PHF20: variants seen among roughly 807,000 people sequenced by gnomAD.
The protein encoded by PHF20 is PHD finger protein 20, also known as glioma-expressed antigen 2.
A neutral mutation model predicts 113.5 loss-of-function variants in PHF20; 23 were observed. The observed-to-expected ratio is 0.20, with a 90% CI of 0.15 to 0.29. PHF20 has a LOEUF of 0.29. Ranked by LOEUF, PHF20 falls within the 10% of genes least tolerant of loss-of-function variation. The probability of loss-of-function intolerance (pLI) is 1.00; values close to 1 mark genes in which losing one functional copy is unlikely to be tolerated. For synonymous variants in PHF20, 434 were observed against 457.3 expected (o/e 0.95, Z 0.65); for missense variants, 943 against 1,219.6 (o/e 0.77, Z 3.38).
chr20:35,805,536 C>T (rs59294666), intron 2 of PHF20, among the ~76,000 whole-genome samples: 6,669 of 151,788 alleles, frequency 0.044, 173 homozygotes, highest in African/African-American at 0.072. Context: ...TTAGTAGAGA[C>T]GGGGTTTCAC....
intron 2 of PHF20, among the ~76,000 whole-genome samples, chr20:35,829,990 T>C (rs1357371010): frequency 1.3e-5 from 2 of 152,070 alleles, no homozygotes; most frequent in Admixed American, 1.3e-4. Flanking sequence ...CTCAGCTCAC[T>C]GCAACGTCTG....
chr20:35,919,461 C>T (rs1213622407), intron 13 of PHF20, among the ~76,000 whole-genome samples: 2 of 151,542 alleles, frequency 1.3e-5, no homozygotes, highest in East Asian at 3.9e-4. Flanking sequence ...TGCCTCAGCC[C>T]CCTGAGTAGC....
chr20:35,825,698 C>T lies in PHF20; in HGVS notation c.84-16875C>T, dbSNP rs547229314. ...TTGCTTTGTTGCCCAGGCTGGAGTA[C>T]AATGGCTATTTACGAGTGCCATGAA... On this transcript the variant is annotated intron_variant, in intron 2 of 17. Transcript: ENST00000374012. Among the ~76,000 whole-genome samples the T allele has an allele frequency of 5.0e-4, 76 of 151,556 alleles. 1 individual carries two copies. In the East Asian group the frequency reaches 0.014, roughly 27 times the overall value.
intron 1 of PHF20, among the ~76,000 whole-genome samples, chr20:35,783,901 C>A (rs1282684193): frequency 6.7e-6 from 1 of 148,394 alleles, no homozygotes; most frequent in South Asian, 2.4e-4. Context: ...AGGAGAATCG[C>A]TTGAACCCAG....
intron 1 of PHF20, among the ~76,000 whole-genome samples, chr20:35,783,709 T>C (rs550355427): frequency 6.6e-6 from 1 of 151,852 alleles, no homozygotes; most frequent in Non-Finnish European, 1.5e-5. Context: ...TGGCCGGGCA[T>C]GGTGCCTCAC....
At chr20:35,915,384 T>C (rs746240728) in intron 12 of PHF20, among the ~76,000 whole-genome samples, 3 of 151,588 alleles carry the variant, frequency 2.0e-5, no homozygotes, top group Non-Finnish European at 2.9e-5. Context: ...TTTTGTTTTG[T>C]TTTGCTTTGT....
intron 4 of PHF20, among the ~76,000 whole-genome samples, chr20:35,849,640 G>A (rs916531193): frequency 6.6e-6 from 1 of 152,322 alleles, no homozygotes; most frequent in Middle Eastern, 3.4e-3. Context: ...GGGATTGGGA[G>A]CGACAATGCT....
Position 35,914,194 on chromosome 20 carries a change from T to G in PHF20, c.1822T>G (p.Leu608Val), listed in dbSNP as rs537943692. 6.2e-7 allele frequency: 1 copy of G among 1,614,024 alleles called. No homozygotes were observed. Among genetic ancestry groups the G allele is most frequent in the East Asian group, 2.2e-5 (1 of 44,872 alleles). The stretch of plus-strand genomic sequence containing the variant: ...ACACCACAAAGGGAAAGTGAAAGCA[T>G]TGGGTAAGGAGGCTCTTCTGTCCTG... The part of the protein sequence containing the change: ...SGHHKGKVKA[L>V]EEDNLSESSS... Residue 608 changes from leucine (L) to valine (V), a missense_variant, in exon 12 of 18, where the codon TTG (leucine) becomes GTG (valine). By Grantham distance (32) the Leu-to-Val change is conservative. Transcript: ENST00000374012.
At chr20:35,921,403 A>G (rs1168336890) in intron 13 of PHF20, among the ~76,000 whole-genome samples, 1 of 151,854 alleles carries the variant, frequency 6.6e-6, no homozygotes, top group East Asian at 1.9e-4. Flanking sequence ...CTACTATTAG[A>G]TAATTGTTGG....
In PHF20 at chr20:35,904,376, C is replaced by T. The variant is rs185449457; in HGVS notation, c.1561+4728C>T. 2.9e-3 allele frequency among the ~76,000 whole-genome samples: 422 copies of T among 144,538 alleles called. 2 individuals are homozygous for T. The highest frequency in any genetic ancestry group is 5.1e-3 in the Non-Finnish European group (344 of 67,192). 94.8% of individuals were successfully genotyped at this position (144,538 alleles called of 152,430 possible). A position where few individuals can be genotyped will look rare whatever the true frequency, so the allele number is the denominator to read the frequency against. On this transcript the variant is annotated intron_variant, in intron 10 of 17. Transcript: ENST00000374012. ...CTTGGCTCACTGCAACCTCTGCCTT[C>T]GGGGTTCAAGCAATTCTCCTGCCTC...
Position 35,842,654 on chromosome 20 carries a change from TG to T in PHF20, c.166del (p.Glu56SerfsTer13), listed in dbSNP as rs1456636628. Reference protein sequence around the residue: ...HFKRWNHRYDEWFCWDSPYLR... With the variant: ...HFKRWNHRYDXWFCWDSPYLR... ...TCAAGCGTTGGAACCATCGTTATGA[TG>T]AGTGGTTCTGCTGGGACAGTCCTTA... On this transcript the variant is annotated frameshift_variant, in exon 3 of 18. Transcript: ENST00000374012. LOFTEE classifies it high-confidence loss of function. 1 of 1,613,824 alleles carries T rather than the reference TG, an allele frequency of 6.2e-7. No individual in the cohort carries two copies. Among genetic ancestry groups the T allele is most frequent in the Non-Finnish European group, 8.5e-7 (1 of 1,179,816 alleles).
At chr20:35,934,352 C>G (rs967829410) in intron 15 of PHF20, among the ~76,000 whole-genome samples, 7 of 152,212 alleles carry the variant, frequency 4.6e-5, no homozygotes, top group Admixed American at 1.3e-4. Context: ...GAGGCTCAAA[C>G]AAAACAGAAG....
At position 35,947,826 on chromosome 20, in the gene PHF20, A is replaced by T. The variant is rs755634654; in HGVS notation, c.*199A>T. ...GGACACTCTGATCTCGAAGCCTGCC[A>T]TAAAGGTAGCAAATAGACTCTTGGG... On this transcript the variant is annotated 3_prime_UTR_variant, in exon 18 of 18. Transcript: ENST00000374012. 1.4e-4 allele frequency: 79 copies of T among 561,422 alleles called. No individual in the cohort carries two copies. Among genetic ancestry groups the T allele is most frequent in the Non-Finnish European group, 1.6e-4 (51 of 314,366 alleles). 34.8% of individuals were successfully genotyped at this position (561,422 alleles called of 1,614,324 possible).
chr20:35,869,385 C>A, intron 6 of PHF20, 53 bp from the exon 7 acceptor site: 2 of 867,530 alleles, frequency 2.3e-6, no homozygotes, highest in Non-Finnish European at 3.7e-6. Flanking sequence ...ATAAAAATGA[C>A]AGACACTAAG....
intron 2 of PHF20, among the ~76,000 whole-genome samples, chr20:35,810,664 G>A (rs2041961168): frequency 6.6e-6 from 1 of 152,128 alleles, no homozygotes; most frequent in Non-Finnish European, 1.5e-5. Flanking sequence ...TGAGTTCATA[G>A]CATTTTTGTA....
chr20:35,871,584 G>A, intron 8 of PHF20, 66 bp from the exon 9 acceptor site: 1 of 1,361,934 alleles, frequency 7.3e-7, no homozygotes. Flanking sequence ...TTAGACTGTT[G>A]TAGGACTTTT....
chr20:35,798,400 G>C (rs190037870), intron 1 of PHF20, among the ~76,000 whole-genome samples: 1 of 152,044 alleles, frequency 6.6e-6, no homozygotes, highest in Non-Finnish European at 1.5e-5. Context: ...GTGACAGAGT[G>C]AGCAAGACCT....
At chr20:35,895,806 C>T (rs1392071816) in intron 9 of PHF20, among the ~76,000 whole-genome samples, 2 of 151,650 alleles carry the variant, frequency 1.3e-5, no homozygotes, top group Non-Finnish European at 2.9e-5. Flanking sequence ...CTGCCTCAGC[C>T]TCCGGAGTTG....
chr20:35,838,838 C>T (rs2042489290), intron 2 of PHF20, among the ~76,000 whole-genome samples: 1 of 150,966 alleles, frequency 6.6e-6, no homozygotes. Flanking sequence ...AAAAAAAACC[C>T]AATAAATTAG....
Sources: allele counts gnomAD v4.1 joint callset (sites outside exome capture counted in the v4.1 genomes callset), GRCh38; gene constraint gnomAD v4.1.1; transcripts MANE v1.5; gene names NCBI Gene and HGNC (gene_info 2026-07-23, HGNC 2026-07-21).